Variants in RUFY3 observed in about 807,000 individuals in gnomAD.
RUFY3 encodes the protein RUN and FYVE domain containing 3.
Under a neutral mutation model 84.0 loss-of-function variants are expected in RUFY3, and 34 were observed. That is an observed-to-expected ratio of 0.40 (90% confidence interval 0.31 to 0.54). The LOEUF is 0.54. Among genes scored for constraint, RUFY3 ranks in the 20% least tolerant of loss-of-function variants. RUFY3 has a pLI of 0.39. For synonymous variants in RUFY3, 242 were observed against 252.9 expected (o/e 0.96, Z 0.41); for missense variants, 507 against 736.8 (o/e 0.69, Z 3.61).
rs898232976 is a variant in RUFY3, at chr4:70,768,470, T to C, written c.573-68T>C. ...TATGATTCAACCATGAATCAACCAT[T>C]TTTGTCCTTGTCTCTGGATTTTTGA... is the stretch of plus-strand genomic sequence containing the variant. On this transcript the variant is annotated intron_variant, in intron 4 of 17. Coordinates refer to ENST00000381006, the MANE Select transcript of RUFY3 (RefSeq NM_001037442.4). 1.2e-5 allele frequency: 19 copies of C among 1,522,372 alleles called. No homozygotes were observed. The African/African-American group carries it at 2.2e-4, about 18-fold the overall frequency. 94.3% of individuals were successfully genotyped at this position (1,522,372 alleles called of 1,614,324 possible). A position where few individuals can be genotyped will look rare whatever the true frequency, so the allele number is the denominator to read the frequency against.
At chr4:70,724,419 A>G (rs1717883860) in intron 1 of RUFY3, among the ~76,000 whole-genome samples, 1 of 152,232 alleles carries the variant, frequency 6.6e-6, no homozygotes. Flanking sequence ...CACCTCAAAT[A>G]TATGTTTTTG....
rs965420734 is a variant in RUFY3 at position 70,704,931 on chromosome 4, G to A, written c.-6G>A. The A allele has an allele frequency of 9.9e-6, 12 of 1,217,694 alleles. No homozygotes were observed. In the African/African-American group the frequency reaches 1.7e-4, roughly 18 times the overall value. The allele number at this position is 1,217,694 out of a possible 1,614,324, so 75.4% of individuals were successfully genotyped here. A position where few individuals can be genotyped will look rare whatever the true frequency, so the allele number is the denominator to read the frequency against. ...ATCGGAGGCTGCGGCGAAGGAAGGAGTGAGCATGGCTGAGACCCCGCCGCC... is the reference window on the plus strand; with the variant it reads ...ATCGGAGGCTGCGGCGAAGGAAGGAATGAGCATGGCTGAGACCCCGCCGCC... On this transcript the variant is annotated 5_prime_UTR_variant, in exon 1 of 12. Coordinates refer to the RUFY3 transcript ENST00000417478.
At chr4:70,778,571 T>TTA in intron 8 of RUFY3, 133 bp downstream of exon 8, 3 of 390,296 alleles carry the variant, frequency 7.7e-6, no homozygotes, top group Admixed American at 4.5e-5. Context: ...TAACTTCTTA[T>TTA]TCTTTTTTTT....
At chr4:70,770,935 G>A (rs574819682) in intron 5 of RUFY3, among the ~76,000 whole-genome samples, 2 of 152,178 alleles carry the variant, frequency 1.3e-5, no homozygotes, top group East Asian at 3.9e-4. Flanking sequence ...TTTCAGTATT[G>A]TTGTGTCTTA....
chr4:70,782,240 CTTAAG>C (rs1179798440), intron 8 of RUFY3, among the ~76,000 whole-genome samples: 1 of 150,932 alleles, frequency 6.6e-6, no homozygotes, highest in Non-Finnish European at 1.5e-5. Flanking sequence ...TTGAGATAAT[CTTAAG>C]TTAAAACTTT....
At chr4:70,790,656 G>T (rs1171863474) in intron 12 of RUFY3, among the ~76,000 whole-genome samples, 1 of 152,116 alleles carries the variant, frequency 6.6e-6, no homozygotes, top group Non-Finnish European at 1.5e-5. Context: ...ACTGTCTACT[G>T]TACCTTTTAA....
intron 12 of RUFY3, chr4:70,791,935 C>T: frequency 4.1e-6 from 4 of 984,400 alleles, no homozygotes; most frequent in Non-Finnish European, 4.8e-6. Flanking sequence ...GAAAAAGCAG[C>T]ATCCTTATAT....
At chr4:70,800,649 C>T (rs1578262303) in intron 15 of RUFY3, among the ~76,000 whole-genome samples, 1 of 152,134 alleles carries the variant, frequency 6.6e-6, no homozygotes, top group South Asian at 2.1e-4. Flanking sequence ...TTTGGGAGGC[C>T]GAGGCAGGTG....
intron 1 of RUFY3, among the ~76,000 whole-genome samples, chr4:70,736,211 G>C (rs552052368): frequency 6.6e-6 from 1 of 151,024 alleles, no homozygotes; most frequent in Admixed American, 6.6e-5. Context: ...GCATTATTAT[G>C]TACAGATATT....
intron 1 of RUFY3, among the ~76,000 whole-genome samples, chr4:70,711,847 C>G (rs1222109129): frequency 2.0e-5 from 3 of 152,224 alleles, no homozygotes; most frequent in African/African-American, 7.2e-5. Context: ...CTTCCTGATT[C>G]TGCCTTTGTG....
chr4:70,789,107 GTAAACT>G, intron 11 of RUFY3, 134 bp downstream of exon 11: 2 of 1,420,448 alleles, frequency 1.4e-6, no homozygotes, highest in Non-Finnish European at 1.8e-6. Flanking sequence ...CTAGCTGCCA[GTAAACT>G]ACTTTCAGAA....
At chr4:70,749,524 T>A (rs1391739714) in intron 1 of RUFY3, among the ~76,000 whole-genome samples, 1 of 2,354 alleles carries the variant, frequency 4.2e-4, no homozygotes, top group Admixed American at 7.5e-3. Context: ...ATCAAAAGGG[T>A]TTTTTTTTTT....
intron 1 of RUFY3, among the ~76,000 whole-genome samples, chr4:70,756,619 C>T (rs1479167389): frequency 6.6e-6 from 1 of 152,162 alleles, no homozygotes; most frequent in Middle Eastern, 3.2e-3. Context: ...CCCTTCCTTA[C>T]GTGACTCCTT....
chr4:70,754,209 C>G (rs1723604135), intron 1 of RUFY3, among the ~76,000 whole-genome samples: 1 of 152,032 alleles, frequency 6.6e-6, no homozygotes, highest in South Asian at 2.1e-4. Context: ...CCTGGCACCA[C>G]ACCCAGCTAA....
chr4:70,776,763 G>A (rs937222265), intron 7 of RUFY3, among the ~76,000 whole-genome samples: 15 of 152,128 alleles, frequency 9.9e-5, no homozygotes, highest in South Asian at 6.2e-4. Flanking sequence ...GCAACCGAGC[G>A]AGACTCCGTC....
chr4:70,704,505 C>T (rs548427451), upstream of RUFY3: 61 of 156,236 alleles, frequency 3.9e-4, no homozygotes, highest in Non-Finnish European at 6.6e-4. Flanking sequence ...ACTTTTCAAG[C>T]ACTAGACACA....
At position 70,762,754 on chromosome 4, in the gene RUFY3, G is replaced by A. The variant is rs150314155; in HGVS notation, c.352+62G>A. The stretch of plus-strand genomic sequence containing the variant: ...CTGTTTTCTAGCAATGCATACTATA[G>A]AAGAAAGCATTCTTTGTGGAGCCAA... On this transcript the variant is annotated intron_variant, in intron 2 of 17. Transcript: ENST00000381006. The A allele has an allele frequency of 1.4e-3, 1,899 of 1,363,284 alleles. 16 individuals carry two copies. In the African/African-American group the frequency reaches 0.018, roughly 13 times the overall value. 84.4% of individuals were successfully genotyped at this position (1,363,284 alleles called of 1,614,324 possible).
chr4:70,776,517 A>G (rs76257462), intron 7 of RUFY3, among the ~76,000 whole-genome samples: 10,393 of 152,234 alleles, frequency 0.068, 551 homozygotes, highest in East Asian at 0.2. Flanking sequence ...GCTCACGCCT[A>G]TAATCCCAGC....
At chr4:70,775,332 A>G (rs910885827) in intron 7 of RUFY3, 99 bp downstream of exon 7, 1 of 745,280 alleles carries the variant, frequency 1.3e-6, no homozygotes, top group Non-Finnish European at 2.2e-6. Flanking sequence ...ACAGTGTTCA[A>G]CAAATATATG....
Sources: gnomAD v4.1 joint callset for allele counts (sites outside exome capture counted in the v4.1 genomes callset) on GRCh38, gnomAD v4.1.1 for gene constraint, MANE v1.5 for transcripts, NCBI Gene and HGNC (gene_info 2026-07-23, HGNC 2026-07-21) for gene names.